The following BMP6 variants were observed in gnomAD, a reference collection of about 807,000 sequenced individuals.
The protein encoded by BMP6 is bone morphogenetic protein 6.
A neutral mutation model predicts 54.1 loss-of-function variants in BMP6; 17 were observed. The observed-to-expected ratio is 0.31, with a 90% CI of 0.22 to 0.47. The LOEUF is 0.47. BMP6 is among the 20% of genes least tolerant of loss of function. BMP6 has a pLI of 1.00. For synonymous variants in BMP6, 328 were observed against 291.2 expected (o/e 1.13, Z -1.28); for missense variants, 720 against 690.4 (o/e 1.04, Z -0.48).
chr6:7,729,410 G>A (rs1475904462), intron 1 of BMP6, among the ~76,000 whole-genome samples: 4 of 151,802 alleles, frequency 2.6e-5, no homozygotes, highest in South Asian at 2.1e-4. Flanking sequence ...TGGACAAAGG[G>A]GAGGAAGACT....
At chr6:7,838,363 G>C (rs1272327158) in intron 1 of BMP6, among the ~76,000 whole-genome samples, 1 of 152,044 alleles carries the variant, frequency 6.6e-6, no homozygotes, top group East Asian at 1.9e-4. Flanking sequence ...TATCCCCCTC[G>C]GATAAGAGGG....
In BMP6 at chr6:7,728,589, T is replaced by G. The variant is rs897783048; in HGVS notation, c.664+970T>G. Reference sequence around the variant, plus strand: ...GACTCTTTTCTTCGGAGTCAGTGCCTCCGGTTTGCACTGCTTTTCATTCAT... The same window carrying G: ...GACTCTTTTCTTCGGAGTCAGTGCCGCCGGTTTGCACTGCTTTTCATTCAT... On this transcript the variant is annotated intron_variant, in intron 1 of 6. Transcript: ENST00000283147. 2.0e-5 allele frequency among the ~76,000 whole-genome samples: 3 copies of G among 152,180 alleles called. No individual in the cohort carries two copies. The South Asian group carries it at 6.2e-4, about 32-fold the overall frequency.
chr6:7,747,432 G>C (rs1757364011), intron 1 of BMP6, among the ~76,000 whole-genome samples: 3 of 152,190 alleles, frequency 2.0e-5, no homozygotes, highest in Non-Finnish European at 4.4e-5. Context: ...GATGGAGGAA[G>C]GGGTCCCCAG....
chr6:7,846,717 A>G (rs1759071512), intron 2 of BMP6, among the ~76,000 whole-genome samples: 2 of 152,228 alleles, frequency 1.3e-5, no homozygotes, highest in African/African-American at 2.4e-5. Context: ...AAATAAAAAT[A>G]TATTCAGTGG....
At chr6:7,745,804 A>C (rs1005681647) in intron 1 of BMP6, among the ~76,000 whole-genome samples, 13 of 150,888 alleles carry the variant, frequency 8.6e-5, no homozygotes, top group African/African-American at 3.2e-4. Flanking sequence ...TCTATGATAG[A>C]GGTGAAAAAA....
chr6:7,776,644 T>C (rs1757863913), intron 1 of BMP6, among the ~76,000 whole-genome samples: 1 of 152,198 alleles, frequency 6.6e-6, no homozygotes, highest in East Asian at 1.9e-4. Flanking sequence ...GAGTATTAGG[T>C]ACGAATACTT....
At chr6:7,813,813 C>A (rs563378121) in intron 1 of BMP6, among the ~76,000 whole-genome samples, 92 of 152,124 alleles carry the variant, frequency 6.0e-4, no homozygotes, top group African/African-American at 2.1e-3. Context: ...TAAGTAGCCA[C>A]CTAAAGAGTG....
chr6:7,809,476 G>C (rs1758404303), intron 1 of BMP6, among the ~76,000 whole-genome samples: 1 of 152,246 alleles, frequency 6.6e-6, no homozygotes, highest in Non-Finnish European at 1.5e-5. Context: ...AGAATGCGTA[G>C]CATGAGCAAC....
At chr6:7,874,052 G>A (rs151016277) in intron 4 of BMP6, among the ~76,000 whole-genome samples, 20 of 152,248 alleles carry the variant, frequency 1.3e-4, no homozygotes, top group African/African-American at 2.6e-4. Flanking sequence ...CTTTAGGAGC[G>A]CAGGGCGTTA....
chr6:7,877,158 C>T (rs988433939), intron 4 of BMP6, among the ~76,000 whole-genome samples: 2 of 152,066 alleles, frequency 1.3e-5, no homozygotes, highest in African/African-American at 2.4e-5. Context: ...AATTTCCCTC[C>T]AGGGCTTCTC....
At chr6:7,828,912 T>C (rs1758744927) in intron 1 of BMP6, among the ~76,000 whole-genome samples, 1 of 152,100 alleles carries the variant, frequency 6.6e-6, no homozygotes, top group South Asian at 2.1e-4. Flanking sequence ...GGACCAGAGG[T>C]TGGACGGAAC....
At chr6:7,734,480 C>T (rs1412501109) in intron 1 of BMP6, among the ~76,000 whole-genome samples, 1 of 152,146 alleles carries the variant, frequency 6.6e-6, no homozygotes, top group Admixed American at 6.5e-5. Context: ...GGAGAAATTA[C>T]AAAAGCAGGC....
chr6:7,738,757 A>G (rs1318855352), intron 1 of BMP6, among the ~76,000 whole-genome samples: 1 of 152,212 alleles, frequency 6.6e-6, no homozygotes, highest in Non-Finnish European at 1.5e-5. Flanking sequence ...GTACAGTTCG[A>G]TAAACTTAGA....
intron 1 of BMP6, among the ~76,000 whole-genome samples, chr6:7,814,243 A>T (rs1026471126): frequency 9.8e-5 from 15 of 152,368 alleles, no homozygotes; most frequent in African/African-American, 3.6e-4. Context: ...TCAACTGATT[A>T]GTAACCTTAA....
intron 1 of BMP6, among the ~76,000 whole-genome samples, chr6:7,820,653 G>C (rs1202943462): frequency 6.6e-6 from 1 of 152,182 alleles, no homozygotes; most frequent in East Asian, 1.9e-4. Context: ...AGGTGAGCAT[G>C]CCCTGGGTGG....
intron 2 of BMP6, 29 bp from the exon 3 acceptor site, chr6:7,861,422 T>C: frequency 6.2e-7 from 1 of 1,612,674 alleles, no homozygotes; most frequent in South Asian, 1.1e-5. Context: ...CAGTGCGCTA[T>C]TTACCAGGCC....
chr6:7,827,858 A>G (rs1171857130), intron 1 of BMP6, among the ~76,000 whole-genome samples: 1 of 152,200 alleles, frequency 6.6e-6, no homozygotes, highest in East Asian at 1.9e-4. Context: ...TCTGTGAGTA[A>G]AAGCACCCAA....
intron 2 of BMP6, among the ~76,000 whole-genome samples, chr6:7,849,046 A>C (rs983941175): frequency 6.6e-6 from 1 of 152,332 alleles, no homozygotes; most frequent in South Asian, 2.1e-4. Flanking sequence ...ATTGTCTGCT[A>C]TGCTTCCTAA....
chr6:7,795,760 G>C (rs932687626), intron 1 of BMP6, among the ~76,000 whole-genome samples: 1 of 152,028 alleles, frequency 6.6e-6, no homozygotes, highest in East Asian at 1.9e-4. Context: ...AGAAAACCCC[G>C]GGGAAGTCAA....
Sources: gnomAD v4.1 joint callset for allele counts (sites outside exome capture counted in the v4.1 genomes callset) on GRCh38, gnomAD v4.1.1 for gene constraint, MANE v1.5 for transcripts, NCBI Gene and HGNC (gene_info 2026-07-23, HGNC 2026-07-21) for gene names.